CSRNP3: variants seen among roughly 807,000 people sequenced by gnomAD.
The protein encoded by CSRNP3 is cysteine/serine-rich nuclear protein 3.
A neutral mutation model predicts 48.0 loss-of-function variants in CSRNP3; 12 were observed. The ratio of observed to expected loss-of-function variants is 0.25; its 90% CI spans 0.16 to 0.41. CSRNP3 has a LOEUF of 0.41. CSRNP3 is among the 10% of genes least tolerant of loss of function. CSRNP3 has a pLI of 1.00. For missense variants in CSRNP3, 580 were observed against 724.4 expected (o/e 0.80, Z 2.29); for synonymous variants, 263 against 269.7 (o/e 0.98, Z 0.24).
chr2:165,621,938 C>T (rs543633175), intron 4 of CSRNP3, among the ~76,000 whole-genome samples: 2 of 152,238 alleles, frequency 1.3e-5, no homozygotes, highest in South Asian at 4.1e-4. Flanking sequence ...TTCAGCTTTA[C>T]CACTTAGAGA....
chr2:165,519,225 A>G (rs532343396), intron 3 of CSRNP3, among the ~76,000 whole-genome samples: 1 of 152,256 alleles, frequency 6.6e-6, no homozygotes, highest in South Asian at 2.1e-4. Context: ...GTCATAGAAT[A>G]TAGTTGTGCA....
rs191829815 is a variant in CSRNP3, at chr2:165,605,541, G to T, written c.148+10328G>T. Among the ~76,000 whole-genome samples the T allele has an allele frequency of 3.9e-4, 60 of 152,076 alleles. 1 individual carries two copies. Among genetic ancestry groups the T allele is most frequent in the Admixed American group, 3.5e-3 (54 of 15,258 alleles). ...ATAGAGCGATAGATGAAATGAGACTGAAAAAATATTGAAGCTTGGGGCTTA... is the reference window on the plus strand; with the variant it reads ...ATAGAGCGATAGATGAAATGAGACTTAAAAAATATTGAAGCTTGGGGCTTA... On this transcript the variant is annotated intron_variant, in intron 4 of 6. Coordinates refer to ENST00000651982, the MANE Select transcript of CSRNP3 (RefSeq NM_001172173.2).
chr2:165,561,324 A>T (rs1277981464), intron 3 of CSRNP3, among the ~76,000 whole-genome samples: 1 of 152,140 alleles, frequency 6.6e-6, no homozygotes, highest in Non-Finnish European at 1.5e-5. Flanking sequence ...TCAGGAGAAA[A>T]TTCGAGTCCA....
chr2:165,543,686 T>C (rs548911799), intron 3 of CSRNP3, among the ~76,000 whole-genome samples: 1 of 152,276 alleles, frequency 6.6e-6, no homozygotes, highest in African/African-American at 2.4e-5. Flanking sequence ...CACATACTAA[T>C]AGTAGGTGTA....
chr2:165,602,152 C>T (rs548956694), intron 4 of CSRNP3, among the ~76,000 whole-genome samples: 1 of 152,192 alleles, frequency 6.6e-6, no homozygotes. Flanking sequence ...CCAAGCTGAA[C>T]ACAAGAGTTT....
chr2:165,532,294 G>A (rs1362505075), intron 3 of CSRNP3, among the ~76,000 whole-genome samples: 1 of 152,030 alleles, frequency 6.6e-6, no homozygotes, highest in Non-Finnish European at 1.5e-5. Context: ...GATGAACATC[G>A]ATGCAAAAAT....
chr2:165,489,267 T>A (rs1208091201), intron 1 of CSRNP3, among the ~76,000 whole-genome samples: 1 of 150,560 alleles, frequency 6.6e-6, no homozygotes, highest in African/African-American at 2.5e-5. Flanking sequence ...AATCTCTGAA[T>A]AGACCAATAA....
rs58076656 is a variant in CSRNP3, at chr2:165,630,172, CT to C, written c.149-27583del. Among the ~76,000 whole-genome samples, 342 of 152,244 alleles carry C rather than the reference CT, an allele frequency of 2.2e-3. 1 individual carries two copies. The highest frequency in any genetic ancestry group is 7.9e-3 in the African/African-American group (327 of 41,552). On this transcript the variant is annotated intron_variant, in intron 4 of 6. Transcript: ENST00000651982. ...GATTTTTGAAGACGTAAAAAAGCTC[CT>C]TTTTTGTCTCCTTTTCTGCCTGAAA...
intron 4 of CSRNP3, among the ~76,000 whole-genome samples, chr2:165,614,907 T>C (rs573433942): frequency 6.6e-6 from 1 of 152,346 alleles, no homozygotes; most frequent in African/African-American, 2.4e-5. Context: ...TTCTTTTTCA[T>C]TGTGGACTGA....
intron 3 of CSRNP3, among the ~76,000 whole-genome samples, chr2:165,532,295 A>G (rs1333778025): frequency 6.6e-6 from 1 of 152,200 alleles, no homozygotes; most frequent in Non-Finnish European, 1.5e-5. Context: ...ATGAACATCG[A>G]TGCAAAAATC....
chr2:165,642,809 A>G (rs1337011632), intron 4 of CSRNP3, among the ~76,000 whole-genome samples: 1 of 152,112 alleles, frequency 6.6e-6, no homozygotes, highest in African/African-American at 2.4e-5. Context: ...TGATCTGTCC[A>G]TCTCAGCCTC....
intron 4 of CSRNP3, among the ~76,000 whole-genome samples, chr2:165,622,080 T>C (rs2105318908): frequency 6.6e-6 from 1 of 152,346 alleles, no homozygotes; most frequent in African/African-American, 2.4e-5. Context: ...TATTCTGCCA[T>C]ATATTTCACA....
chr2:165,582,654 C>T (rs1685567280), intron 3 of CSRNP3, among the ~76,000 whole-genome samples: 1 of 152,126 alleles, frequency 6.6e-6, no homozygotes, highest in Admixed American at 6.5e-5. Flanking sequence ...TAATGTGTTC[C>T]CAGTGAATCA....
chr2:165,571,648 C>T (rs1016092239), intron 3 of CSRNP3, among the ~76,000 whole-genome samples: 3 of 151,838 alleles, frequency 2.0e-5, no homozygotes, highest in African/African-American at 7.3e-5. Context: ...TAAGTTACCG[C>T]AATTTTAAAA....
intron 3 of CSRNP3, among the ~76,000 whole-genome samples, chr2:165,532,262 G>A (rs372679298): frequency 9.2e-5 from 14 of 151,774 alleles, no homozygotes; most frequent in East Asian, 3.9e-4. Context: ...ACCAAAAAAG[G>A]GAATTTTAGA....
chr2:165,492,152 G>A (rs915949381), intron 1 of CSRNP3, among the ~76,000 whole-genome samples: 2 of 151,978 alleles, frequency 1.3e-5, no homozygotes, highest in African/African-American at 2.4e-5. Context: ...ACTGCTCATC[G>A]GAGCCACTGA....
At chr2:165,620,658 A>C (rs1175634428) in intron 4 of CSRNP3, among the ~76,000 whole-genome samples, 1 of 152,170 alleles carries the variant, frequency 6.6e-6, no homozygotes, top group East Asian at 1.9e-4. Context: ...CTGATTTTCC[A>C]TTATATTCTA....
At chr2:165,644,199 A>G (rs1402188329) in intron 4 of CSRNP3, among the ~76,000 whole-genome samples, 1 of 152,184 alleles carries the variant, frequency 6.6e-6, no homozygotes, top group Non-Finnish European at 1.5e-5. Flanking sequence ...TCTGATATGT[A>G]AAATATAGCA....
At chr2:165,492,433 G>A (rs1684226505) in intron 1 of CSRNP3, among the ~76,000 whole-genome samples, 1 of 151,848 alleles carries the variant, frequency 6.6e-6, no homozygotes, top group Admixed American at 6.6e-5. Context: ...CTTGGGCTTT[G>A]GCACACACCA....
Sources: gnomAD v4.1 joint callset for allele counts (sites outside exome capture counted in the v4.1 genomes callset) on GRCh38, gnomAD v4.1.1 for gene constraint, MANE v1.5 for transcripts, NCBI Gene and HGNC (gene_info 2026-07-23, HGNC 2026-07-21) for gene names.